The following AKAP10 variants were observed in gnomAD, a reference collection of about 807,000 sequenced individuals.
AKAP10 encodes A-kinase anchor protein 10, mitochondrial.
AKAP10 carries 24 observed loss-of-function variants against 80.8 expected under a neutral mutation model. The ratio of observed to expected loss-of-function variants is 0.30; its 90% CI spans 0.22 to 0.42. The LOEUF (loss-of-function observed/expected upper bound fraction) is 0.42. Among genes scored for constraint, AKAP10 ranks in the 10% least tolerant of loss-of-function variants. The probability of loss-of-function intolerance (pLI) is 1.00; values close to 1 mark genes in which losing one functional copy is unlikely to be tolerated. For synonymous variants in AKAP10, 291 were observed against 277.7 expected (o/e 1.05, Z -0.48); for missense variants, 661 against 794.9 (o/e 0.83, Z 2.03).
chr17:19,951,358 G>A (rs541579380), intron 4 of AKAP10, among the ~76,000 whole-genome samples: 3 of 152,372 alleles, frequency 2.0e-5, no homozygotes, highest in East Asian at 3.9e-4. Flanking sequence ...GGGAAGTGAG[G>A]AGCCCCTCTG....
At chr17:19,917,494 T>C (rs1018770304) in intron 12 of AKAP10, among the ~76,000 whole-genome samples, 15 of 152,186 alleles carry the variant, frequency 9.9e-5, no homozygotes, top group Admixed American at 7.2e-4. Context: ...TTTAGAGACA[T>C]GGTCTTGCTC....
chr17:19,916,123 A>C (rs566128074), intron 12 of AKAP10, among the ~76,000 whole-genome samples: 1 of 152,116 alleles, frequency 6.6e-6, no homozygotes, highest in Non-Finnish European at 1.5e-5. Flanking sequence ...CTTCCTCCAC[A>C]TGCTGCCTGG....
chr17:19,938,516 C>CG (rs1287844899), intron 8 of AKAP10, among the ~76,000 whole-genome samples: 1 of 151,854 alleles, frequency 6.6e-6, no homozygotes, highest in Non-Finnish European at 1.5e-5. Flanking sequence ...GGATTATAGG[C>CG]GTGAGCCACC....
rs1051570290 is a variant in AKAP10 at position 19,954,192 on chromosome 17, C to T, written c.877+3822G>A. On this transcript the variant is annotated intron_variant, in intron 4 of 14. Coordinates refer to ENST00000225737, the MANE Select transcript of AKAP10 (RefSeq NM_007202.4). ...AATTCGTTTTATAAGGCCAGCATTA[C>T]CCAATTTTAAGACTTACTATACAGT... is the stretch of plus-strand genomic sequence containing the variant. 2.6e-5 allele frequency among the ~76,000 whole-genome samples: 4 copies of T among 152,222 alleles called. No individual in the cohort carries two copies. The East Asian group carries it at 7.7e-4, about 29-fold the overall frequency.
Position 19,931,897 on chromosome 17 carries a change from A to G in AKAP10, c.1549T>C (p.Phe517Leu), listed in dbSNP as rs971400212. 2 of 1,614,134 alleles carry G rather than the reference A, an allele frequency of 1.2e-6. No homozygotes were observed. Among genetic ancestry groups the G allele is most frequent in the Non-Finnish European group, 8.5e-7 (1 of 1,180,018 alleles). ...DLIHSVRGDE[F>L]LGGNVSLTAP... The stretch of plus-strand genomic sequence containing the variant: ...GTCAGCGACACGTTCCCGCCCAGAA[A>G]TTCATCTCCTCGAACCGAATGGATG... The change falls in exon 10 of 15, where the codon TTT becomes CTT. Residue 517 changes from phenylalanine (F) to leucine (L), a missense_variant. Transcript: ENST00000225737.
rs141088546 is a variant in AKAP10 at position 19,932,684 on chromosome 17, G to A, written c.1468-706C>T. ...TTCCTTAAGATAACTCACCAGGCGT[G>A]TGATTGCTGAGTTAAATTTTAACTT... On this transcript the variant is annotated intron_variant, in intron 9 of 14. Transcript: ENST00000225737. Among the ~76,000 whole-genome samples, 401 of 152,068 alleles carry A rather than the reference G, an allele frequency of 2.6e-3. 1 individual carries two copies. Among genetic ancestry groups the A allele is most frequent in the African/African-American group, 9.1e-3 (378 of 41,498 alleles).
chr17:19,967,145 T>C (rs2043430209), intron 2 of AKAP10, among the ~76,000 whole-genome samples: 1 of 152,088 alleles, frequency 6.6e-6, no homozygotes, highest in African/African-American at 2.4e-5. Flanking sequence ...TGGAAATAAA[T>C]TGATGAAATT....
chr17:19,928,764 G>A (rs772656332), intron 10 of AKAP10, among the ~76,000 whole-genome samples: 4 of 152,128 alleles, frequency 2.6e-5, no homozygotes, highest in Non-Finnish European at 5.9e-5. Context: ...CAGATACTCG[G>A]GAGGCTGAGG....
In AKAP10 at chr17:19,924,473, A is replaced by C. The variant is rs773875750; in HGVS notation, c.1686T>G (p.Asp562Glu). Residue 562 changes from aspartate (D) to glutamate (E), a missense_variant, in exon 11 of 15, where the codon GAT becomes GAG. Transcript: ENST00000225737. ...TTGCCGCATCCACAATTATCGCTTC[A>C]TCAAAATTTTTCAGTATTTTAATAC... ...KASIKILKNF[D>E]EAIIVDAASL... is the part of the protein sequence containing the mutation. The C allele has an allele frequency of 2.2e-5, 36 of 1,607,532 alleles. No individual in the cohort carries two copies. The highest frequency in any genetic ancestry group is 2.9e-5 in the Non-Finnish European group (34 of 1,176,464).
chr17:19,954,645 C>T (rs960478691), intron 4 of AKAP10, among the ~76,000 whole-genome samples: 14 of 142,804 alleles, frequency 9.8e-5, no homozygotes, highest in South Asian at 6.6e-4. Context: ...CCACCACGCC[C>T]GGCTAATTTT....
intron 4 of AKAP10, among the ~76,000 whole-genome samples, chr17:19,951,781 T>C (rs1387458941): frequency 6.6e-6 from 1 of 152,016 alleles, no homozygotes; most frequent in Non-Finnish European, 1.5e-5. Context: ...GTCCTCTGTC[T>C]AGGAAAACCA....
chr17:19,951,317 T>TG (rs1315806270), intron 4 of AKAP10, among the ~76,000 whole-genome samples: 68 of 148,146 alleles, frequency 4.6e-4, no homozygotes, highest in East Asian at 2.0e-4. Flanking sequence ...GTCTGGGAGG[T>TG]GGGGGGCGCC....
At chr17:19,947,059 T>A in intron 5 of AKAP10, 1 of 204,964 alleles carries the variant, frequency 4.9e-6, no homozygotes, top group South Asian at 8.7e-5. Flanking sequence ...CCCAGAAGTT[T>A]CTGTCCCGCC....
At chr17:19,970,651 T>C (rs1377030881) in intron 1 of AKAP10, among the ~76,000 whole-genome samples, 1 of 152,086 alleles carries the variant, frequency 6.6e-6, no homozygotes, top group East Asian at 1.9e-4. Flanking sequence ...GGTGAAACCC[T>C]GTCTCTACTG....
intron 2 of AKAP10, among the ~76,000 whole-genome samples, chr17:19,964,669 A>T (rs936915060): frequency 2.6e-5 from 4 of 152,002 alleles, no homozygotes; most frequent in African/African-American, 9.7e-5. Flanking sequence ...AGGCAGGCAG[A>T]TCACGAGGCC....
intron 10 of AKAP10, among the ~76,000 whole-genome samples, chr17:19,927,748 A>C (rs1227542280): frequency 6.6e-6 from 1 of 151,772 alleles, no homozygotes; most frequent in African/African-American, 2.4e-5. Flanking sequence ...TGTCTCTAAA[A>C]AAAATACAAA....
At chr17:19,968,332 G>C (rs1047605613) in intron 2 of AKAP10, 82 bp downstream of exon 2, 1 of 1,042,104 alleles carries the variant, frequency 9.6e-7, no homozygotes, top group Non-Finnish European at 1.4e-6. Flanking sequence ...TGCCAAAAGA[G>C]AGAGTATAAC....
intron 1 of AKAP10, among the ~76,000 whole-genome samples, chr17:19,971,470 C>T (rs1160471979): frequency 6.0e-5 from 9 of 150,582 alleles, no homozygotes; most frequent in Non-Finnish European, 1.2e-4. Flanking sequence ...GATCACGCCA[C>T]TGCACTCCAG....
At chr17:19,958,664 G>C in intron 3 of AKAP10, 93 bp from the exon 4 acceptor site, 2 of 1,063,524 alleles carry the variant, frequency 1.9e-6, no homozygotes, top group Non-Finnish European at 2.6e-6. Context: ...ACTGGTACCA[G>C]AGACCTTGAA....
Sources: allele counts gnomAD v4.1 joint callset (sites outside exome capture counted in the v4.1 genomes callset), GRCh38; gene constraint gnomAD v4.1.1; transcripts MANE v1.5; gene names NCBI Gene and HGNC (gene_info 2026-07-23, HGNC 2026-07-21).